Variants in DEUP1 observed in about 807,000 individuals in gnomAD.
DEUP1 encodes coiled-coil domain containing 67.
In DEUP1, 82 loss-of-function variants were observed where a neutral mutation model predicts 87.4. The observed-to-expected ratio is 0.94, with a 90% CI of 0.78 to 1.13. DEUP1 has a LOEUF of 1.13. Ranked by LOEUF, DEUP1 falls within the 50% of genes most tolerant of loss-of-function variation. DEUP1 has a pLI of 0.00. For missense variants in DEUP1, 663 were observed against 681.5 expected (o/e 0.97, Z 0.30); for synonymous variants, 214 against 222.7 (o/e 0.96, Z 0.35).
intron 11 of DEUP1, among the ~76,000 whole-genome samples, chr11:93,399,239 C>A (rs947875370): frequency 3.3e-5 from 5 of 151,232 alleles, no homozygotes; most frequent in African/African-American, 1.2e-4. Context: ...ATTATTATAT[C>A]TTTCATCCAA....
intron 7 of DEUP1, among the ~76,000 whole-genome samples, chr11:93,377,642 A>G (rs1454842337): frequency 2.0e-5 from 3 of 152,146 alleles, no homozygotes; most frequent in Non-Finnish European, 2.9e-5. Context: ...GTGAGGTACT[A>G]TTATATTCAT....
chr11:93,415,726 T>C (rs1219066272), intron 13 of DEUP1, among the ~76,000 whole-genome samples: 2 of 152,018 alleles, frequency 1.3e-5, no homozygotes, highest in Non-Finnish European at 2.9e-5. Context: ...AATGATATCA[T>C]ATGATATATA....
At chr11:93,362,212 T>G (rs1339325388) in intron 4 of DEUP1, among the ~76,000 whole-genome samples, 1 of 151,980 alleles carries the variant, frequency 6.6e-6, no homozygotes, top group Non-Finnish European at 1.5e-5. Flanking sequence ...TTAGACAAAT[T>G]TGATGTCATT....
intron 7 of DEUP1, among the ~76,000 whole-genome samples, chr11:93,381,650 C>G (rs757810911): frequency 5.3e-5 from 8 of 152,180 alleles, no homozygotes; most frequent in Admixed American, 2.6e-4. Context: ...CTGCATTTTT[C>G]TAATATCTAT....
chr11:93,383,440 T>A, intron 7 of DEUP1: 1 of 482,912 alleles, frequency 2.1e-6, no homozygotes, highest in East Asian at 3.2e-5. Context: ...AGAACATAGA[T>A]TAGTGGTTGC....
At chr11:93,408,132 A>G in intron 11 of DEUP1, 99 bp from the exon 12 acceptor site, 1 of 864,220 alleles carries the variant, frequency 1.2e-6, no homozygotes, top group Non-Finnish European at 1.7e-6. Flanking sequence ...ACTTGGCTCA[A>G]ATGAAAGGGC....
upstream of DEUP1, chr11:93,330,594 C>T (rs1034900625): frequency 3.9e-5 from 6 of 152,300 alleles, no homozygotes; most frequent in Non-Finnish European, 8.8e-5. Flanking sequence ...GCGGCGGCGC[C>T]GCGCGCGGGG....
intron 12 of DEUP1, among the ~76,000 whole-genome samples, chr11:93,411,440 T>C (rs1947431967): frequency 6.6e-6 from 1 of 152,190 alleles, no homozygotes; most frequent in African/African-American, 2.4e-5. Context: ...AATACATTCT[T>C]AACCTTTTAT....
chr11:93,345,444 A>G (rs1277577669), intron 2 of DEUP1, among the ~76,000 whole-genome samples: 1 of 152,194 alleles, frequency 6.6e-6, no homozygotes, highest in Non-Finnish European at 1.5e-5. Context: ...ACTGTCTTGA[A>G]CAATGATCAA....
rs764499863 is a variant in DEUP1, at chr11:93,355,464, G to T, written c.123G>T (p.Arg41=). 6 of 1,613,738 alleles carry T rather than the reference G, an allele frequency of 3.7e-6. No individual in the cohort carries two copies. The highest frequency in any genetic ancestry group is 4.2e-6 in the Non-Finnish European group (5 of 1,179,790). ...AAATGGATTGGGAAAGAAAGATGCG[G>T]GCTTTGGAGACACGATTAGATCTTC... is the stretch of plus-strand genomic sequence containing the variant. ...NKKMDWERKM[R]ALETRLDLRD... Residue 41 remains arginine (R), a synonymous_variant, in exon 3 of 14, where the codon CGG becomes CGT. Transcript: ENST00000298050.
At chr11:93,416,774 T>C (rs1239303049) in intron 13 of DEUP1, among the ~76,000 whole-genome samples, 1 of 150,650 alleles carries the variant, frequency 6.6e-6, no homozygotes, top group East Asian at 2.0e-4. Flanking sequence ...GATGCAAAAA[T>C]CCTCAATAAA....
Position 93,364,270 on chromosome 11 carries a change from G to T in DEUP1, c.408G>T (p.Leu136=). 6.2e-7 allele frequency: 1 copy of T among 1,608,976 alleles called. No homozygotes were observed. The highest frequency in any genetic ancestry group is 1.1e-5 in the South Asian group (1 of 90,606). ...PHLKEEIPFE[L]SNLNQKLEEF... is the part of the protein sequence containing the mutation. ...TTAAAGAAGAAATACCCTTTGAACT[G>T]AGCAATTTGAACCAGAAATTAGAGG... The change falls in exon 5 of 14, where the codon CTG becomes CTT. Residue 136 remains leucine, a synonymous_variant. Coordinates refer to ENST00000298050, the MANE Select transcript of DEUP1 (RefSeq NM_181645.4).
At chr11:93,384,409 A>G (rs1240442723) in intron 7 of DEUP1, among the ~76,000 whole-genome samples, 1 of 152,172 alleles carries the variant, frequency 6.6e-6, no homozygotes, top group Non-Finnish European at 1.5e-5. Context: ...TACAGAGAGG[A>G]GGGCCTTACT....
chr11:93,335,307 A>C (rs1020481337), intron 2 of DEUP1, among the ~76,000 whole-genome samples: 1 of 152,216 alleles, frequency 6.6e-6, no homozygotes, highest in Admixed American at 6.5e-5. Flanking sequence ...CTTGTAGTCT[A>C]TTGCAGGATC....
intron 2 of DEUP1, among the ~76,000 whole-genome samples, chr11:93,340,864 T>TTA (rs925765277): frequency 1.3e-5 from 2 of 152,188 alleles, no homozygotes; most frequent in Admixed American, 6.5e-5. Flanking sequence ...GAGATGCCTG[T>TTA]TATATATCCA....
At chr11:93,380,264 T>C (rs931634495) in intron 7 of DEUP1, among the ~76,000 whole-genome samples, 6 of 152,238 alleles carry the variant, frequency 3.9e-5, no homozygotes, top group African/African-American at 1.4e-4. Flanking sequence ...AGTAATTCTC[T>C]AACTTCATTT....
intron 4 of DEUP1, among the ~76,000 whole-genome samples, chr11:93,361,127 C>T (rs1945157510): frequency 6.6e-6 from 1 of 152,080 alleles, no homozygotes; most frequent in African/African-American, 2.4e-5. Flanking sequence ...ACGATGGAGG[C>T]TTTCAAGTGC....
chr11:93,351,150 G>A (rs1479936313), intron 2 of DEUP1, among the ~76,000 whole-genome samples: 2 of 151,510 alleles, frequency 1.3e-5, no homozygotes. Context: ...TGGGGTAGTT[G>A]GACTAGTTGA....
chr11:93,355,195 C>T (rs1045166386), intron 2 of DEUP1, among the ~76,000 whole-genome samples, 176 bp from the exon 3 acceptor site: 2 of 152,144 alleles, frequency 1.3e-5, no homozygotes, highest in Non-Finnish European at 2.9e-5. Flanking sequence ...ACTGTTAGTT[C>T]TGAAATTGGC....
Sources: allele counts gnomAD v4.1 joint callset (sites outside exome capture counted in the v4.1 genomes callset), GRCh38; gene constraint gnomAD v4.1.1; transcripts MANE v1.5; gene names NCBI Gene and HGNC (gene_info 2026-07-23, HGNC 2026-07-21).